NAALADL2: variants seen among roughly 807,000 people sequenced by gnomAD.
NAALADL2 encodes N-acetylated alpha-linked acidic dipeptidase like 2.
A neutral mutation model predicts 87.2 loss-of-function variants in NAALADL2; 76 were observed. The ratio of observed to expected loss-of-function variants is 0.87; its 90% CI spans 0.72 to 1.05. The LOEUF (loss-of-function observed/expected upper bound fraction) is 1.05. Among genes scored for constraint, NAALADL2 ranks in the 50% least tolerant of loss-of-function variants. The pLI, the probability that NAALADL2 is intolerant of heterozygous loss-of-function variation, is 0.00. For synonymous variants in NAALADL2, 354 were observed against 331.0 expected (o/e 1.07, Z -0.75); for missense variants, 1,089 against 945.8 (o/e 1.15, Z -1.99).
chr3:175,510,653 T>C (rs1201589028), intron 9 of NAALADL2, among the ~76,000 whole-genome samples: 1 of 152,200 alleles, frequency 6.6e-6, no homozygotes, highest in Non-Finnish European at 1.5e-5. Flanking sequence ...GGCACTGTTA[T>C]TGGGAGACAC....
At chr3:174,598,493 C>T (rs540947083) in intron 2 of NAALADL2, among the ~76,000 whole-genome samples, 11 of 152,094 alleles carry the variant, frequency 7.2e-5, no homozygotes, top group South Asian at 2.1e-4. Flanking sequence ...CCAAAGAAAC[C>T]GTGTTATTTC....
At chr3:175,247,909 A>G (rs1748284016) in intron 3 of NAALADL2, among the ~76,000 whole-genome samples, 1 of 152,174 alleles carries the variant, frequency 6.6e-6, no homozygotes, top group African/African-American at 2.4e-5. Context: ...GATCTAATTC[A>G]CTGTTCTATC....
At chr3:175,532,485 C>T (rs572281732) in intron 9 of NAALADL2, among the ~76,000 whole-genome samples, 36 of 152,248 alleles carry the variant, frequency 2.4e-4, no homozygotes, top group African/African-American at 7.0e-4. Context: ...ATTGAGGGGC[C>T]GTGATTCTCT....
At chr3:175,450,479 T>A (rs1721400315) in intron 6 of NAALADL2, among the ~76,000 whole-genome samples, 1 of 152,170 alleles carries the variant, frequency 6.6e-6, no homozygotes, top group Admixed American at 6.6e-5. Context: ...CATTTAACCC[T>A]TTATGCACAC....
At chr3:174,932,870 C>A (rs1366925259) in intron 1 of NAALADL2, among the ~76,000 whole-genome samples, 3 of 152,124 alleles carry the variant, frequency 2.0e-5, no homozygotes, top group Non-Finnish European at 1.5e-5. Flanking sequence ...ATAATCCCAC[C>A]ACTTTGGGAG....
At chr3:175,145,327 ATTAGAT>A (rs919082784) in intron 2 of NAALADL2, among the ~76,000 whole-genome samples, 5 of 152,116 alleles carry the variant, frequency 3.3e-5, no homozygotes, top group South Asian at 4.2e-4. Context: ...TCTTCTTCCA[ATTAGAT>A]TTAGACAAAT....
chr3:175,276,777 T>A (rs1178043137), intron 4 of NAALADL2, among the ~76,000 whole-genome samples: 1 of 152,210 alleles, frequency 6.6e-6, no homozygotes, highest in Non-Finnish European at 1.5e-5. Flanking sequence ...ATTTATTTTT[T>A]AAATTTTCTT....
Position 175,207,535 on chromosome 3 carries a change from G to C in NAALADL2, c.546-26396G>C, listed in dbSNP as rs141673615. 9.2e-3 allele frequency among the ~76,000 whole-genome samples: 1,392 copies of C among 152,036 alleles called. 22 individuals carry two copies. Among genetic ancestry groups the C allele is most frequent in the African/African-American group, 0.031 (1,269 of 41,486 alleles). ...GCAAAATGACTCATTTGTATATTTT[G>C]GTCAGCAGTTCAGGTCATTACCCAT... On this transcript the variant is annotated intron_variant, in intron 2 of 13. Coordinates refer to ENST00000454872, the MANE Select transcript of NAALADL2 (RefSeq NM_207015.3).
intron 1 of NAALADL2, among the ~76,000 whole-genome samples, chr3:174,878,168 C>T (rs796911936): frequency 2.0e-5 from 3 of 152,100 alleles, no homozygotes; most frequent in African/African-American, 7.2e-5. Context: ...CTATCAAGAC[C>T]TTTGAAAACA....
Position 174,573,309 on chromosome 3 carries a change from C to G in NAALADL2, c.-115+22672C>G, listed in dbSNP as rs148240935. Among the ~76,000 whole-genome samples, 879 of 152,044 alleles carry G rather than the reference C, an allele frequency of 5.8e-3. 12 individuals carry two copies. The highest frequency in any genetic ancestry group is 0.019 in the African/African-American group (789 of 41,468). On this transcript the variant is annotated intron_variant, in intron 2 of 3. Transcript: ENST00000434257. ...TAGAGATATGGTCTTACTCTGTTGC[C>G]CAGGCTGGAGTACAGTGGCACAGTC...
chr3:175,408,183 A>G (rs1319438277), intron 5 of NAALADL2, among the ~76,000 whole-genome samples: 4 of 152,058 alleles, frequency 2.6e-5, no homozygotes, highest in Admixed American at 6.6e-5. Context: ...TTTATAGGAG[A>G]GAACTCAGTT....
At chr3:175,353,232 T>G (rs1280007173) in intron 5 of NAALADL2, among the ~76,000 whole-genome samples, 1 of 151,974 alleles carries the variant, frequency 6.6e-6, no homozygotes, top group Non-Finnish European at 1.5e-5. Context: ...TATTGTTGAG[T>G]GTGATGGCAT....
At chr3:175,743,783 G>C (rs1745568498) in intron 12 of NAALADL2, among the ~76,000 whole-genome samples, 1 of 152,208 alleles carries the variant, frequency 6.6e-6, no homozygotes, top group South Asian at 2.1e-4. Flanking sequence ...CGAGATCATA[G>C]AAAGAGTGCA....
At chr3:174,770,053 C>G (rs886711244) in intron 3 of NAALADL2, among the ~76,000 whole-genome samples, 4 of 152,046 alleles carry the variant, frequency 2.6e-5, no homozygotes, top group African/African-American at 9.7e-5. Flanking sequence ...ATATTTAAAA[C>G]AAGAAGTAAT....
At chr3:175,459,749 G>T (rs1275829480) in intron 6 of NAALADL2, among the ~76,000 whole-genome samples, 1 of 152,164 alleles carries the variant, frequency 6.6e-6, no homozygotes, top group East Asian at 1.9e-4. Flanking sequence ...CAGAGTGCAG[G>T]TTTGTTCAAG....
intron 10 of NAALADL2, among the ~76,000 whole-genome samples, chr3:175,582,069 A>C (rs1719863643): frequency 6.6e-6 from 1 of 152,178 alleles, no homozygotes; most frequent in Admixed American, 6.5e-5. Context: ...TTAAACTCCA[A>C]TCAACAAATC....
chr3:175,738,128 G>T (rs1744757593), intron 12 of NAALADL2, among the ~76,000 whole-genome samples: 1 of 152,056 alleles, frequency 6.6e-6, no homozygotes, highest in South Asian at 2.1e-4. Context: ...TGAGTCATTT[G>T]TGGACAACTA....
At chr3:175,367,029 T>C (rs1361113174) in intron 5 of NAALADL2, among the ~76,000 whole-genome samples, 3 of 151,454 alleles carry the variant, frequency 2.0e-5, no homozygotes, top group Non-Finnish European at 4.4e-5. Flanking sequence ...CTTGAATTAA[T>C]TTTTGTATAA....
At chr3:175,104,683 T>G (rs1722796099) in intron 2 of NAALADL2, among the ~76,000 whole-genome samples, 1 of 152,112 alleles carries the variant, frequency 6.6e-6, no homozygotes, top group African/African-American at 2.4e-5. Flanking sequence ...GAAAAACATG[T>G]AAATGCATGC....
Sources: gnomAD v4.1 joint callset for allele counts (sites outside exome capture counted in the v4.1 genomes callset) on GRCh38, gnomAD v4.1.1 for gene constraint, MANE v1.5 for transcripts, NCBI Gene and HGNC (gene_info 2026-07-23, HGNC 2026-07-21) for gene names.